The following LRBA variants were observed in gnomAD, a reference collection of about 807,000 sequenced individuals.
LRBA encodes LPS responsive beige-like anchor protein.
A neutral mutation model predicts 330.0 loss-of-function variants in LRBA; 176 were observed. The ratio of observed to expected loss-of-function variants is 0.53; its 90% confidence interval spans 0.47 to 0.60. LRBA has a LOEUF of 0.60. Among genes scored for constraint, LRBA ranks in the 20% least tolerant of loss-of-function variants. The probability of loss-of-function intolerance (pLI) is 0.00; values close to 1 mark genes in which losing one functional copy is unlikely to be tolerated. For missense variants in LRBA, 3,259 were observed against 3,444.8 expected, an observed-to-expected ratio of 0.95 and a Z score of 1.35; for synonymous variants, 1,230 against 1,193.0, an observed-to-expected ratio of 1.03 and a Z score of -0.64.
At chr4:150,988,677 C>T (rs1741727322) in intron 2 of LRBA, among the ~76,000 whole-genome samples, 1 of 151,818 alleles carries the variant, frequency 6.6e-6, no homozygotes, top group Non-Finnish European at 1.5e-5. Flanking sequence ...CTCCCGGGTT[C>T]AAGCTATTCT....
At chr4:150,489,631 T>G (rs1208753204) in intron 41 of LRBA, among the ~76,000 whole-genome samples, 8 of 119,790 alleles carry the variant, frequency 6.7e-5, no homozygotes, top group Admixed American at 3.1e-4. Context: ...GAATATATAA[T>G]ATATAAGAAT....
At chr4:150,352,507 A>G (rs957301384) in intron 47 of LRBA, among the ~76,000 whole-genome samples, 2 of 152,224 alleles carry the variant, frequency 1.3e-5, no homozygotes, top group African/African-American at 4.8e-5. Flanking sequence ...GCTAGGTTCA[A>G]TTGAGAAAGT....
chr4:151,004,181 T>A (rs999239587), intron 2 of LRBA, among the ~76,000 whole-genome samples: 1 of 152,204 alleles, frequency 6.6e-6, no homozygotes, highest in Middle Eastern at 3.4e-3. Flanking sequence ...AGAATACAGG[T>A]GCCTGCCACC....
chr4:150,869,090 T>C lies in LRBA; in HGVS notation c.2450-785A>G, dbSNP rs184258246. ...CACCTGCCACCACGCCTAGCTAATT[T>C]TTGTATTTTTAGTAGAGACAGCGTT... On this transcript the variant is annotated intron_variant, in intron 20 of 56. Transcript: ENST00000651943. 2.4e-4 allele frequency among the ~76,000 whole-genome samples: 36 copies of C among 152,152 alleles called. 1 individual carries two copies. The highest frequency in any genetic ancestry group is 2.3e-3 in the Admixed American group (35 of 15,276).
intron 47 of LRBA, among the ~76,000 whole-genome samples, chr4:150,397,045 G>A (rs1744828145): frequency 6.6e-6 from 1 of 152,094 alleles, no homozygotes; most frequent in Non-Finnish European, 1.5e-5. Context: ...AAAAAACACT[G>A]ACGCTTTAAG....
intron 36 of LRBA, among the ~76,000 whole-genome samples, chr4:150,702,577 T>C (rs1785219564): frequency 1.3e-5 from 2 of 152,170 alleles, no homozygotes. Flanking sequence ...CCTCATATTA[T>C]TACAAAGAAA....
chr4:150,796,196 C>A (rs1209228919), intron 34 of LRBA, among the ~76,000 whole-genome samples: 1 of 151,836 alleles, frequency 6.6e-6, no homozygotes, highest in Non-Finnish European at 1.5e-5. Flanking sequence ...TGTAAAATGT[C>A]GACTTGAAAT....
At chr4:150,869,199 A>C (rs1753122264) in intron 20 of LRBA, among the ~76,000 whole-genome samples, 1 of 150,710 alleles carries the variant, frequency 6.6e-6, no homozygotes, top group Admixed American at 6.6e-5. Flanking sequence ...GATTACAGGC[A>C]TGAGCCACCA....
At chr4:150,520,475 T>C (rs919790767) in intron 40 of LRBA, among the ~76,000 whole-genome samples, 6 of 152,232 alleles carry the variant, frequency 3.9e-5, no homozygotes, top group Admixed American at 6.5e-5. Flanking sequence ...TTATGTTTAT[T>C]GAATATTATT....
At chr4:150,593,445 C>T (rs1225847733) in intron 38 of LRBA, among the ~76,000 whole-genome samples, 2 of 152,068 alleles carry the variant, frequency 1.3e-5, no homozygotes, top group Admixed American at 6.6e-5. Context: ...AGTTAACATG[C>T]GTTTGACAAT....
intron 37 of LRBA, among the ~76,000 whole-genome samples, chr4:150,669,854 CTG>C (rs1314825991): frequency 2.6e-5 from 4 of 152,144 alleles, no homozygotes; most frequent in Non-Finnish European, 5.9e-5. Context: ...GCATAAGCAA[CTG>C]TGTCCGGCCA....
intron 17 of LRBA, 125 bp from the exon 18 acceptor site, chr4:150,872,880 G>C: frequency 2.1e-6 from 1 of 467,916 alleles, no homozygotes; most frequent in Non-Finnish European, 3.8e-6. Context: ...ATTTAATATA[G>C]ATTTCTGTAT....
intron 40 of LRBA, among the ~76,000 whole-genome samples, chr4:150,532,947 T>C (rs934597958): frequency 6.6e-6 from 1 of 152,170 alleles, no homozygotes; most frequent in Non-Finnish European, 1.5e-5. Flanking sequence ...TTTCTACTAA[T>C]GTGGGTAAGT....
chr4:150,783,348 T>C (rs959144341), intron 34 of LRBA, among the ~76,000 whole-genome samples: 3 of 152,148 alleles, frequency 2.0e-5, no homozygotes, highest in African/African-American at 4.8e-5. Context: ...TTCCAATGGA[T>C]AGAAATACAA....
chr4:150,995,041 G>T (rs1392280168), intron 2 of LRBA, among the ~76,000 whole-genome samples: 1 of 151,944 alleles, frequency 6.6e-6, no homozygotes, highest in Non-Finnish European at 1.5e-5. Flanking sequence ...AACTGCAGAG[G>T]AGGGTAAACA....
At chr4:150,479,246 T>C (rs1757042267) in intron 42 of LRBA, among the ~76,000 whole-genome samples, 2 of 151,984 alleles carry the variant, frequency 1.3e-5, no homozygotes, top group South Asian at 2.1e-4. Flanking sequence ...ACTCCAGCAC[T>C]CCAGCCTGGG....
chr4:150,786,031 G>A (rs967612828), intron 34 of LRBA, among the ~76,000 whole-genome samples: 3 of 152,182 alleles, frequency 2.0e-5, no homozygotes, highest in African/African-American at 7.2e-5. Context: ...TGGAAATGAA[G>A]GCCAGAAATG....
intron 36 of LRBA, among the ~76,000 whole-genome samples, chr4:150,711,329 AG>A (rs914656418): frequency 2.6e-5 from 4 of 151,570 alleles, no homozygotes; most frequent in Non-Finnish European, 4.4e-5. Flanking sequence ...TCCACCTCCC[AG>A]GTTCAAACAA....
At chr4:150,906,663 T>C (rs1006781031) in intron 11 of LRBA, among the ~76,000 whole-genome samples, 1 of 152,190 alleles carries the variant, frequency 6.6e-6, no homozygotes, top group African/African-American at 2.4e-5. Flanking sequence ...ATGACAAATG[T>C]TCATGATATA....
Sources: allele counts gnomAD v4.1 joint callset (sites outside exome capture counted in the v4.1 genomes callset), GRCh38; gene constraint gnomAD v4.1.1; transcripts MANE v1.5; gene names NCBI Gene and HGNC (gene_info 2026-07-23, HGNC 2026-07-21).